ARHGEF9: variants seen among roughly 807,000 people sequenced by gnomAD.
ARHGEF9 encodes the protein Cdc42 guanine nucleotide exchange factor 9, also known as rho guanine nucleotide exchange factor 9.
A neutral mutation model predicts 41.3 loss-of-function variants in ARHGEF9; 2 were observed. The ratio of observed to expected loss-of-function variants is 0.05; its 90% CI spans 0.02 to 0.15. The LOEUF (loss-of-function observed/expected upper bound fraction) is 0.15, where lower values mean the gene tolerates loss of function less well. ARHGEF9 is among the 10% of genes least tolerant of loss of function. ARHGEF9 has a pLI of 1.00. For missense variants in ARHGEF9, 225 were observed against 424.7 expected, an observed-to-expected ratio of 0.53 and a Z score of 4.13; for synonymous variants, 160 against 154.4, an observed-to-expected ratio of 1.04 and a Z score of -0.27.
intron 1 of ARHGEF9, among the ~76,000 whole-genome samples, chrX:63,728,880 C>G (rs1217019071): frequency 1.8e-5 from 2 of 110,986 alleles, no homozygotes; most frequent in Non-Finnish European, 3.8e-5. Context: ...GCATTTGAAG[C>G]AGAGAAATGA....
chrX:63,730,082 G>T (rs1477723591), intron 1 of ARHGEF9, among the ~76,000 whole-genome samples: 1 of 111,338 alleles, frequency 9.0e-6, no homozygotes, highest in African/African-American at 3.3e-5. Context: ...TGGTCTCTGT[G>T]ACCAAAAAAG....
At chrX:63,660,131 G>A (rs1267263315) in intron 7 of ARHGEF9, among the ~76,000 whole-genome samples, 2 of 111,752 alleles carry the variant, frequency 1.8e-5, no homozygotes, top group Admixed American at 9.5e-5. Context: ...GCAAATACAC[G>A]GAGTCAGCCT....
intron 1 of ARHGEF9, among the ~76,000 whole-genome samples, chrX:63,779,171 T>C (rs2056341196): frequency 8.9e-6 from 1 of 111,999 alleles, no homozygotes; most frequent in Admixed American, 9.5e-5. Flanking sequence ...CCTCTGCCCG[T>C]TACCCGGTTC....
intron 4 of ARHGEF9, among the ~76,000 whole-genome samples, chrX:63,681,595 C>CA (rs1260500270): frequency 9.1e-6 from 1 of 109,622 alleles, no homozygotes; most frequent in Admixed American, 9.7e-5. Context: ...TGGGATGCAG[C>CA]AAAAAAAGTT....
At chrX:63,686,976 AATT>A (rs1442779148) in intron 4 of ARHGEF9, among the ~76,000 whole-genome samples, 1 of 108,717 alleles carries the variant, frequency 9.2e-6, no homozygotes, top group Non-Finnish European at 1.9e-5. Context: ...TTTCCAGAAA[AATT>A]ATTCCTGCCT....
chrX:63,715,827 G>C (rs1201319131), intron 2 of ARHGEF9, among the ~76,000 whole-genome samples: 61 of 112,166 alleles, frequency 5.4e-4, no homozygotes. Context: ...TGAGAGGAGA[G>C]AGGAGTGAGG....
rs1391020284 is a variant in ARHGEF9 at position 63,697,199 on chromosome X, C to A, written c.508G>T (p.Val170Leu). The A allele has an allele frequency of 3.3e-6, 4 of 1,209,003 alleles. No homozygotes were observed. The highest frequency in any genetic ancestry group is 4.5e-6 in the Non-Finnish European group (4 of 894,802). ...EDIYRFQMGFVRDLEKQYNND... is the reference protein window; with the variant it reads ...EDIYRFQMGFLRDLEKQYNND... ...TTATACTGTTTCTCCAGGTCTCTCA[C>A]AAAGCCCATCTGAAATCTGTAGATA... is the stretch of plus-strand genomic sequence containing the variant. Residue 170 changes from valine to leucine, a missense_variant, in exon 4 of 10, where the codon GTG (valine) becomes TTG (leucine). Transcript: ENST00000671741.
chrX:63,677,808 G>T (rs1229792206), intron 5 of ARHGEF9, among the ~76,000 whole-genome samples: 1 of 111,952 alleles, frequency 8.9e-6, no homozygotes, highest in Non-Finnish European at 1.9e-5. Context: ...AAAGCTCTGA[G>T]GTTGTTTTGG....
intron 1 of ARHGEF9, among the ~76,000 whole-genome samples, chrX:63,768,872 A>G (rs2056156702): frequency 8.9e-6 from 1 of 112,168 alleles, no homozygotes; most frequent in Non-Finnish European, 1.9e-5. Context: ...GCCATGTGAA[A>G]CTGTAAGTCC....
At chrX:63,753,142 C>T (rs1285193859) in intron 1 of ARHGEF9, among the ~76,000 whole-genome samples, 4 of 112,124 alleles carry the variant, frequency 3.6e-5, no homozygotes, top group Admixed American at 2.8e-4. Context: ...ATAGCAATAG[C>T]AATAACAACA....
At position 63,637,899 on chromosome X, in the gene ARHGEF9, T is replaced by C; in HGVS notation, c.*129A>G. 1 of 469,097 alleles carries C rather than the reference T, an allele frequency of 2.1e-6. No individual in the cohort carries two copies. The highest frequency in any genetic ancestry group is 6.1e-4 in the Middle Eastern group (1 of 1,631). 38.7% of individuals were successfully genotyped at this position (469,097 alleles called of 1,213,427 possible). A position where few individuals can be genotyped will look rare whatever the true frequency, so the allele number is the denominator to read the frequency against. On this transcript the variant is annotated 3_prime_UTR_variant, in exon 10 of 10. Transcript: ENST00000671741. ...GTGTGTGTCTGTGTGTGTGTGTGTG[T>C]ATGTGTACTCAAGGGTCTCTGTGTG...
intron 8 of ARHGEF9, among the ~76,000 whole-genome samples, chrX:63,645,823 G>C (rs1556313107): frequency 3.6e-5 from 4 of 111,845 alleles, no homozygotes; most frequent in Non-Finnish European, 1.9e-5. Context: ...CACAATGGTT[G>C]AACTAGTTTA....
At chrX:63,644,165 TAC>T in intron 8 of ARHGEF9, 117 bp from the exon 9 acceptor site, 3 of 405,113 alleles carry the variant, frequency 7.4e-6, no homozygotes, top group Admixed American at 5.5e-5. Context: ...AATCTTGAAA[TAC>T]AAAAAAAAAA....
intron 3 of ARHGEF9, among the ~76,000 whole-genome samples, chrX:63,702,988 A>C (rs782784758): frequency 8.9e-6 from 1 of 111,816 alleles, no homozygotes; most frequent in East Asian, 2.8e-4. Context: ...AGCACTCCCA[A>C]TTCTGAGTCT....
intron 1 of ARHGEF9, among the ~76,000 whole-genome samples, chrX:63,769,862 G>T (rs1569506599): frequency 8.9e-6 from 1 of 112,542 alleles, no homozygotes; most frequent in Non-Finnish European, 1.9e-5. Flanking sequence ...ATGCCTGGAT[G>T]CCCAGGCAAA....
chrX:63,713,731 CA>C (rs1556408401), intron 2 of ARHGEF9, among the ~76,000 whole-genome samples: 4 of 109,614 alleles, frequency 3.6e-5, no homozygotes, highest in Non-Finnish European at 7.6e-5. Context: ...CACACACACA[CA>C]CCCAGTTTTG....
chrX:63,652,348 T>C (rs782193022), intron 8 of ARHGEF9, among the ~76,000 whole-genome samples: 3 of 111,757 alleles, frequency 2.7e-5, no homozygotes, highest in Non-Finnish European at 5.6e-5. Flanking sequence ...ACTGAACACA[T>C]ATGGATTTTT....
rs2047258892 is a variant in ARHGEF9, at chrX:63,635,269, A to G, written c.*2759T>C. On this transcript the variant is annotated 3_prime_UTR_variant, in exon 10 of 10. Coordinates refer to ENST00000671741, the MANE Select transcript of ARHGEF9 (RefSeq NM_001353921.2). ...TGCTGTTCTTATAGATCCATTAGAAATATACACATAGAGAGGGGGGGAAAA... is the reference window on the plus strand; with the variant it reads ...TGCTGTTCTTATAGATCCATTAGAAGTATACACATAGAGAGGGGGGGAAAA... The G allele has an allele frequency of 3.9e-6, 2 of 508,146 alleles. No homozygotes were observed. Among genetic ancestry groups the G allele is most frequent in the Non-Finnish European group, 7.1e-6 (2 of 281,075 alleles). 41.9% of individuals were successfully genotyped at this position (508,146 alleles called of 1,213,427 possible).
rs1452726797 is a variant in ARHGEF9, at chrX:63,751,143, C to A, written c.31-26432G>T. Among the ~76,000 whole-genome samples the A allele has an allele frequency of 4.5e-5, 5 of 111,003 alleles. No individual in the cohort carries two copies. In the Admixed American group the frequency reaches 4.8e-4, roughly 11 times the overall value. ...ACATGGCAAAAGCTTATCCTCTACTCAAAGGGGCCAGAGAGGAGGGAAGGG... is the reference window on the plus strand; with the variant it reads ...ACATGGCAAAAGCTTATCCTCTACTAAAAGGGGCCAGAGAGGAGGGAAGGG... On this transcript the variant is annotated intron_variant, in intron 1 of 9. Transcript: ENST00000671741.
Sources: gnomAD v4.1 joint callset for allele counts (sites outside exome capture counted in the v4.1 genomes callset) on GRCh38, gnomAD v4.1.1 for gene constraint, MANE v1.5 for transcripts, NCBI Gene and HGNC (gene_info 2026-07-23, HGNC 2026-07-21) for gene names.